The following BNC2 variants were observed in gnomAD, a reference collection of about 807,000 sequenced individuals.
BNC2 encodes the protein basonuclin zinc finger protein 2, also known as zinc finger protein basonuclin-2.
A neutral mutation model predicts 76.3 loss-of-function variants in BNC2; 20 were observed. That is an observed-to-expected ratio of 0.26 (90% CI 0.18 to 0.38). The LOEUF (loss-of-function observed/expected upper bound fraction) is 0.38, where lower values mean the gene tolerates loss of function less well. BNC2 is among the 10% of genes least tolerant of loss of function. BNC2 has a pLI of 1.00. For missense variants in BNC2, 1,382 were observed against 1,399.8 expected (o/e 0.99, Z 0.20); for synonymous variants, 582 against 514.8 (o/e 1.13, Z -1.77).
At chr9:16,506,470 C>T (rs1017539698) in intron 5 of BNC2, among the ~76,000 whole-genome samples, 1 of 147,760 alleles carries the variant, frequency 6.8e-6, no homozygotes, top group African/African-American at 2.5e-5. Flanking sequence ...TTTATCTACC[C>T]TTACTGGATC....
intron 3 of BNC2, among the ~76,000 whole-genome samples, chr9:16,665,552 A>G (rs553226540): frequency 6.6e-6 from 1 of 152,322 alleles, no homozygotes; most frequent in Admixed American, 6.5e-5. Context: ...GAGGTTGAGC[A>G]GTTCTTACCA....
At chr9:16,545,417 A>C (rs896526227) in intron 5 of BNC2, among the ~76,000 whole-genome samples, 3 of 152,138 alleles carry the variant, frequency 2.0e-5, no homozygotes, top group Non-Finnish European at 4.4e-5. Flanking sequence ...CTTCACATCA[A>C]AGCCATGAGT....
chr9:16,697,759 C>G (rs1158069871), intron 3 of BNC2, among the ~76,000 whole-genome samples: 1 of 151,360 alleles, frequency 6.6e-6, no homozygotes, highest in Non-Finnish European at 1.5e-5. Context: ...AAAATATATA[C>G]TGGTATATAT....
Position 16,468,506 on chromosome 9 carries a change from C to T in BNC2, c.670-30982G>A, listed in dbSNP as rs553350151. Among the ~76,000 whole-genome samples, 4 of 152,146 alleles carry T rather than the reference C, an allele frequency of 2.6e-5. No homozygotes were observed. The East Asian group carries it at 7.7e-4, about 29-fold the overall frequency. On this transcript the variant is annotated intron_variant, in intron 5 of 6. Coordinates refer to ENST00000380672, the MANE Select transcript of BNC2 (RefSeq NM_017637.6). ...TGCCTCCCAGGTTCAAGCAACTCTCCCGCCTCAGCCTCCCGAATAGCTGGG... is the reference window on the plus strand; with the variant it reads ...TGCCTCCCAGGTTCAAGCAACTCTCTCGCCTCAGCCTCCCGAATAGCTGGG...
At chr9:16,551,260 G>A (rs1818654372) in intron 5 of BNC2, among the ~76,000 whole-genome samples, 1 of 152,160 alleles carries the variant, frequency 6.6e-6, no homozygotes, top group African/African-American at 2.4e-5. Context: ...TATTCTGAGA[G>A]CAGACAGGTT....
At chr9:16,449,482 C>T (rs144563816) in intron 5 of BNC2, among the ~76,000 whole-genome samples, 23 of 152,214 alleles carry the variant, frequency 1.5e-4, no homozygotes, top group Non-Finnish European at 3.1e-4. Context: ...CTAATTACTG[C>T]ATAAGTCACT....
intron 1 of BNC2, among the ~76,000 whole-genome samples, chr9:16,748,781 T>C (rs1825086595): frequency 7.6e-6 from 1 of 132,368 alleles, no homozygotes; most frequent in South Asian, 2.3e-4. Context: ...AGATGGAGAT[T>C]GCAGTGAGCC....
intron 1 of BNC2, among the ~76,000 whole-genome samples, chr9:16,776,424 C>A (rs1432550796): frequency 2.6e-5 from 4 of 152,032 alleles, no homozygotes; most frequent in African/African-American, 9.7e-5. Flanking sequence ...ACAGGGGTGA[C>A]CCACAGCGCC....
At chr9:16,529,320 T>C in intron 5 of BNC2, among the ~76,000 whole-genome samples, 1 of 152,266 alleles carries the variant, frequency 6.6e-6, no homozygotes, top group East Asian at 1.9e-4. Context: ...CAGTAGGATA[T>C]AAGAAAAATA....
intron 1 of BNC2, among the ~76,000 whole-genome samples, chr9:16,843,433 C>G (rs1818884290): frequency 6.6e-6 from 1 of 152,216 alleles, no homozygotes; most frequent in Non-Finnish European, 1.5e-5. Context: ...CGGGCTCAAG[C>G]CTCAGCCTCC....
chr9:16,693,239 G>C (rs1823235332), intron 3 of BNC2, among the ~76,000 whole-genome samples: 1 of 151,770 alleles, frequency 6.6e-6, no homozygotes, highest in Admixed American at 6.6e-5. Flanking sequence ...AAAATATAAG[G>C]TAATTTTCTG....
intron 5 of BNC2, among the ~76,000 whole-genome samples, chr9:16,538,581 A>T (rs978160679): frequency 6.6e-6 from 1 of 152,188 alleles, no homozygotes; most frequent in Non-Finnish European, 1.5e-5. Flanking sequence ...TAACTTGTCG[A>T]AACATTTTAA....
At chr9:16,528,410 T>C (rs375567574) in intron 5 of BNC2, among the ~76,000 whole-genome samples, 20 of 152,332 alleles carry the variant, frequency 1.3e-4, no homozygotes, top group Middle Eastern at 3.4e-3. Flanking sequence ...ACTCAGTATA[T>C]ATTGAGCTTT....
intron 1 of BNC2, among the ~76,000 whole-genome samples, chr9:16,794,772 G>T (rs973679736): frequency 1.3e-5 from 2 of 151,952 alleles, no homozygotes; most frequent in African/African-American, 4.8e-5. Flanking sequence ...ACACTTTTGG[G>T]GGTTTAGACC....
chr9:16,812,428 C>T (rs188049166), intron 1 of BNC2, among the ~76,000 whole-genome samples: 3 of 152,322 alleles, frequency 2.0e-5, no homozygotes, highest in East Asian at 3.9e-4. Context: ...CAAGGCCAGA[C>T]GCCAGCTCCA....
At chr9:16,586,124 T>A (rs542714605) in intron 3 of BNC2, among the ~76,000 whole-genome samples, 1 of 151,970 alleles carries the variant, frequency 6.6e-6, no homozygotes, top group Non-Finnish European at 1.5e-5. Context: ...TTTTCAAAGT[T>A]TGTCGTTCAC....
chr9:16,841,445 C>T (rs1332664642), intron 1 of BNC2, among the ~76,000 whole-genome samples: 2 of 152,190 alleles, frequency 1.3e-5, no homozygotes, highest in African/African-American at 2.4e-5. Flanking sequence ...TGTTGTGAGG[C>T]CATCAGAACT....
chr9:16,560,048 G>A (rs77224726), intron 4 of BNC2, among the ~76,000 whole-genome samples: 1 of 152,200 alleles, frequency 6.6e-6, no homozygotes, highest in African/African-American at 2.4e-5. Flanking sequence ...CGGAACTAAG[G>A]CAGTGATTCT....
At chr9:16,646,070 T>G (rs1331571279) in intron 3 of BNC2, among the ~76,000 whole-genome samples, 1 of 152,224 alleles carries the variant, frequency 6.6e-6, no homozygotes, top group Non-Finnish European at 1.5e-5. Flanking sequence ...CACGTCTACC[T>G]TCCAGTTAGC....
Sources: allele counts gnomAD v4.1 joint callset (sites outside exome capture counted in the v4.1 genomes callset), GRCh38; gene constraint gnomAD v4.1.1; transcripts MANE v1.5; gene names NCBI Gene and HGNC (gene_info 2026-07-23, HGNC 2026-07-21).